CACNA1A: variants seen among roughly 807,000 people sequenced by gnomAD.
The protein encoded by CACNA1A is calcium voltage-gated channel subunit alpha1 A, also known as voltage-dependent P/Q-type calcium channel subunit alpha-1A.
A neutral mutation model predicts 262.4 loss-of-function variants in CACNA1A; 57 were observed. The observed-to-expected ratio is 0.22, with a 90% CI of 0.18 to 0.27. The LOEUF is 0.27. Ranked by LOEUF, CACNA1A falls within the 10% of genes least tolerant of loss-of-function variation. CACNA1A has a pLI of 1.00. For missense variants in CACNA1A, 2,526 were observed against 3,562.8 expected, an observed-to-expected ratio of 0.71 and a Z score of 7.41; for synonymous variants, 1,431 against 1,419.3, an observed-to-expected ratio of 1.01 and a Z score of -0.18.
chr19:13,322,127 G>A (rs534908798), intron 10 of CACNA1A, among the ~76,000 whole-genome samples: 25 of 150,364 alleles, frequency 1.7e-4, no homozygotes, highest in African/African-American at 4.9e-4. Flanking sequence ...GCATGAGCCT[G>A]TGAGGTTGGG....
chr19:13,406,367 G>C (rs1345778624), intron 3 of CACNA1A, among the ~76,000 whole-genome samples: 1 of 149,436 alleles, frequency 6.7e-6, no homozygotes, highest in Admixed American at 6.7e-5. Context: ...AGGAACAAGA[G>C]TTGCTTGAAC....
rs1356192843 is a variant in CACNA1A at position 13,365,417 on chromosome 19, C to T, written c.684G>A (p.Gln228=). 2.5e-6 allele frequency: 4 copies of T among 1,613,722 alleles called. No individual in the cohort carries two copies. Among genetic ancestry groups the T allele is most frequent in the Admixed American group, 1.7e-5 (1 of 59,980 alleles). The change falls in exon 5 of 47, where the codon CAG becomes CAA. Residue 228 remains glutamine, a synonymous_variant. Transcript: ENST00000360228. ...SIMKAMIPLL[Q]IGLLLFFAIL... is the part of the protein sequence containing the mutation. ...TTGCAAAAAATAGGAGGAGGCCGATCTGCAGCAAAGGGATCATCGCCTTCA... is the reference window on the plus strand; with the variant it reads ...TTGCAAAAAATAGGAGGAGGCCGATTTGCAGCAAAGGGATCATCGCCTTCA...
At chr19:13,302,572 A>G (rs2057808652) in intron 17 of CACNA1A, among the ~76,000 whole-genome samples, 1 of 152,190 alleles carries the variant, frequency 6.6e-6, no homozygotes, top group African/African-American at 2.4e-5. Flanking sequence ...TCTGGAGAGG[A>G]ATGTCCACAC....
rs1206781265 is a variant in CACNA1A at position 13,208,904 on chromosome 19, T to C, written c.6632A>G (p.His2211Arg). ...RPKDRKHRQH[H>R]HHHHHHHHPP... ...ATGGTGGTGGTGGTGGTGGTGGTGGTGGTGCTGTCGATGCTTCCGATCCTT... is the reference window on the plus strand; with the variant it reads ...ATGGTGGTGGTGGTGGTGGTGGTGGCGGTGCTGTCGATGCTTCCGATCCTT... The change falls in exon 46 of 47, where the codon CAC becomes CGC. Residue 2211 changes from histidine (H) to arginine (R), a missense_variant. This residue lies in a region of CACNA1A where 929 missense variants were observed against 868.1 expected (regional missense o/e 1.07). Coordinates refer to ENST00000360228, the MANE Select transcript of CACNA1A (RefSeq NM_001127222.2). 2 of 1,535,612 alleles carry C rather than the reference T, an allele frequency of 1.3e-6. No homozygotes were observed. Among genetic ancestry groups the C allele is most frequent in the Non-Finnish European group, 1.7e-6 (2 of 1,146,642 alleles).
At position 13,318,890 on chromosome 19, in the gene CACNA1A, C is replaced by CTTTTTTTTTTTTTTTTTTTTTTT. The variant is rs751530649; in HGVS notation, c.1346-1570_1346-1569insAAAAAAAAAAAAAAAAAAAAAAA. ...ATTGAATTTACCTTCTAAAATACATCTTTTTTTTTTTTTTTTGAGACAGGA... is the reference window on the plus strand; with the variant it reads ...ATTGAATTTACCTTCTAAAATACATCTTTTTTTTTTTTTTTTTTTTTTTTTTTTTTTTTTTTTTTGAGACAGGA... On this transcript the variant is annotated intron_variant, in intron 10 of 46. Coordinates refer to ENST00000360228, the MANE Select transcript of CACNA1A (RefSeq NM_001127222.2). 4.8e-3 allele frequency among the ~76,000 whole-genome samples: 549 copies of CTTTTTTTTTTTTTTTTTTTTTTT among 114,568 alleles called. 43 individuals are homozygous for CTTTTTTTTTTTTTTTTTTTTTTT. The highest frequency in any genetic ancestry group is 6.2e-3 in the African/African-American group (167 of 27,064). 75.2% of individuals were successfully genotyped at this position (114,568 alleles called of 152,430 possible).
At chr19:13,479,151 G>T (rs889088261) in intron 1 of CACNA1A, among the ~76,000 whole-genome samples, 10 of 152,188 alleles carry the variant, frequency 6.6e-5, no homozygotes, top group Admixed American at 4.6e-4. Flanking sequence ...TCCAGCCTGG[G>T]TAACAAGAGC....
chr19:13,322,596 C>CT (rs57995542), intron 10 of CACNA1A, among the ~76,000 whole-genome samples: 39 of 147,592 alleles, frequency 2.6e-4, no homozygotes, highest in South Asian at 6.4e-4. Flanking sequence ...TATGATTTGT[C>CT]TTTTTTTTTT....
chr19:13,300,729 T>A, intron 17 of CACNA1A, 73 bp from the exon 18 acceptor site: 1 of 1,156,802 alleles, frequency 8.6e-7, no homozygotes, highest in East Asian at 2.3e-5. Flanking sequence ...ACCCTGTTGC[T>A]GACCAGGGGC....
intron 3 of CACNA1A, among the ~76,000 whole-genome samples, chr19:13,389,901 T>C (rs7258830): frequency 0.34 from 51,612 of 151,850 alleles, 9,003 homozygotes; most frequent in Middle Eastern, 0.4. Context: ...CAACCTCTGC[T>C]TCCCAGGTTC....
intron 10 of CACNA1A, among the ~76,000 whole-genome samples, chr19:13,318,727 G>A (rs527706751): frequency 6.6e-6 from 1 of 152,080 alleles, no homozygotes; most frequent in Non-Finnish European, 1.5e-5. Context: ...GTGGATGTAA[G>A]AGAGAGGGAT....
intron 15 of CACNA1A, among the ~76,000 whole-genome samples, chr19:13,306,014 C>T (rs568594091): frequency 1.9e-4 from 28 of 150,666 alleles, no homozygotes; most frequent in African/African-American, 6.4e-4. Flanking sequence ...GAGCCAAGAA[C>T]GTGCCGTCGC....
intron 19 of CACNA1A, among the ~76,000 whole-genome samples, chr19:13,296,555 A>G (rs780277521): frequency 1.2e-4 from 18 of 152,138 alleles, no homozygotes; most frequent in Non-Finnish European, 2.4e-4. Context: ...GCTTTCTAAC[A>G]TTTTTATTTA....
intron 3 of CACNA1A, among the ~76,000 whole-genome samples, chr19:13,389,701 C>T (rs2059679864): frequency 6.6e-6 from 1 of 152,178 alleles, no homozygotes; most frequent in African/African-American, 2.4e-5. Flanking sequence ...CCCTGATCCG[C>T]CTGTTCACAT....
At chr19:13,210,839 G>T in intron 43 of CACNA1A, 187 bp from the exon 44 acceptor site, 2 of 662,258 alleles carry the variant, frequency 3.0e-6, no homozygotes, top group South Asian at 1.8e-5. Context: ...CTGGCGGGTG[G>T]GTGTCCCAGG....
intron 43 of CACNA1A, 38 bp from the exon 44 acceptor site, chr19:13,210,690 C>A: frequency 6.4e-7 from 1 of 1,551,324 alleles, no homozygotes; most frequent in Non-Finnish European, 8.7e-7. Context: ...ACAGAAAAAA[C>A]AGAAAGAAGA....
chr19:13,261,794 A>G, intron 25 of CACNA1A, 184 bp from the exon 26 acceptor site: 1 of 580,460 alleles, frequency 1.7e-6, no homozygotes, highest in Non-Finnish European at 3.0e-6. Flanking sequence ...AGTTGGACTC[A>G]ATCCTGGCAT....
Position 13,241,424 on chromosome 19 carries a change from C to A in CACNA1A, c.4950+3758G>T. On this transcript the variant is annotated intron_variant, in intron 31 of 46. Coordinates refer to ENST00000360228, the MANE Select transcript of CACNA1A (RefSeq NM_001127222.2). The surrounding 1 kb of genome is among the most constrained non-coding windows in gnomAD (Gnocchi z 4.0). ...GTTGAGGAGAGCGTCAGGCATCCCACGTTGGAGAGGCAGGGTGTGGCATGC... is the reference window on the plus strand; with the variant it reads ...GTTGAGGAGAGCGTCAGGCATCCCAAGTTGGAGAGGCAGGGTGTGGCATGC... The A allele has an allele frequency of 2.5e-6, 2 of 815,720 alleles. No homozygotes were observed. Among genetic ancestry groups the A allele is most frequent in the South Asian group, 2.9e-5 (2 of 69,378 alleles). 50.5% of individuals were successfully genotyped at this position (815,720 alleles called of 1,614,324 possible). A position where few individuals can be genotyped will look rare whatever the true frequency, so the allele number is the denominator to read the frequency against.
chr19:13,489,799 C>T (rs567303054), intron 1 of CACNA1A, among the ~76,000 whole-genome samples: 2 of 152,298 alleles, frequency 1.3e-5, no homozygotes, highest in South Asian at 2.1e-4. Context: ...CTGACTTCTC[C>T]TACTCCTCAG....
chr19:13,209,420 G>T lies in CACNA1A; in HGVS notation c.6418C>A (p.Leu2140Met). 7.2e-7 allele frequency: 1 copy of T among 1,393,580 alleles called. No homozygotes were observed. The highest frequency in any genetic ancestry group is 9.3e-7 in the Non-Finnish European group (1 of 1,069,872). The allele number at this position is 1,393,580 out of a possible 1,614,324, so 86.3% of individuals were successfully genotyped here. ...PKARRLDDYS[L>M]ERVPPEENQR... is the part of the protein sequence containing the mutation. ...TTCTCCTCGGGCGGGACCCGCTCCA[G>T]CGAGTAATCGTCCAGGCGTCGGGCC... Residue 2140 changes from leucine (L) to methionine (M), a missense_variant, in exon 45 of 47, where the codon CTG becomes ATG. Physicochemically the swap from Leu to Met is conservative, Grantham distance 15. Around this residue, in one of 17 missense-constraint regions of CACNA1A, gnomAD observed 929 missense variants for 868.1 expected, o/e 1.07. Coordinates refer to ENST00000360228, the MANE Select transcript of CACNA1A (RefSeq NM_001127222.2).
Sources: gnomAD v4.1 joint callset for allele counts (sites outside exome capture counted in the v4.1 genomes callset) on GRCh38, gnomAD v4.1.1 for gene constraint, gnomAD v4.1.1 regional missense constraint, Gnocchi (gnomAD v3.1) non-coding constraint, MANE v1.5 for transcripts, NCBI Gene and HGNC (gene_info 2026-07-23, HGNC 2026-07-21) for gene names.